GTF3C5: variants seen among roughly 807,000 people sequenced by gnomAD.
GTF3C5 encodes general transcription factor IIIC subunit 5.
Under a neutral mutation model 61.0 loss-of-function variants are expected in GTF3C5, and 47 were observed. The observed-to-expected ratio is 0.77, with a 90% confidence interval of 0.61 to 0.98. GTF3C5 has a LOEUF of 0.98. GTF3C5 is among the 50% of genes least tolerant of loss of function. The pLI is 0.00. For missense variants in GTF3C5, 659 were observed against 703.3 expected, an observed-to-expected ratio of 0.94 and a Z score of 0.71; for synonymous variants, 295 against 275.4, an observed-to-expected ratio of 1.07 and a Z score of -0.71.
intron 1 of GTF3C5, among the ~76,000 whole-genome samples, chr9:133,041,311 C>A (rs943933930): frequency 3.3e-5 from 5 of 152,246 alleles, no homozygotes; most frequent in Admixed American, 1.3e-4. Flanking sequence ...GGGACTGTCT[C>A]CCTGTGATGC....
At chr9:133,039,465 G>A (rs532061462) in intron 1 of GTF3C5, among the ~76,000 whole-genome samples, 2 of 152,210 alleles carry the variant, frequency 1.3e-5, no homozygotes, top group Non-Finnish European at 2.9e-5. Flanking sequence ...GTGCAGTAGA[G>A]CAATTATGGC....
chr9:133,040,455 T>C (rs1215970409), intron 1 of GTF3C5, among the ~76,000 whole-genome samples: 2 of 152,228 alleles, frequency 1.3e-5, no homozygotes, highest in Non-Finnish European at 2.9e-5. Context: ...ACATATTGAA[T>C]GTCTACCATG....
intron 4 of GTF3C5, 123 bp from the exon 5 acceptor site, chr9:133,051,937 G>A (rs558696046): frequency 1.8e-4 from 99 of 564,228 alleles, no homozygotes; most frequent in Middle Eastern, 1.4e-3. Context: ...TGTGTGTCCA[G>A]CCCCTGTCCT....
intron 1 of GTF3C5, among the ~76,000 whole-genome samples, chr9:133,035,553 G>A (rs1351604452): frequency 2.0e-5 from 3 of 152,120 alleles, no homozygotes; most frequent in Non-Finnish European, 4.4e-5. Context: ...TGAGGGGTTT[G>A]GATAACATTT....
At chr9:133,057,049 T>C (rs1241240781) in intron 10 of GTF3C5, 141 bp downstream of exon 10, 9 of 805,946 alleles carry the variant, frequency 1.1e-5, no homozygotes, top group Non-Finnish European at 1.3e-5. Context: ...GAGGAGGACA[T>C]TGTGAGCCAG....
intron 1 of GTF3C5, among the ~76,000 whole-genome samples, chr9:133,041,015 G>C (rs150988929): frequency 1.3e-5 from 2 of 152,244 alleles, no homozygotes; most frequent in Non-Finnish European, 2.9e-5. Flanking sequence ...GAGCTGAGGG[G>C]ACATGGTGAG....
rs1031889202 is a variant in GTF3C5 at position 133,031,234 on chromosome 9, T to A, written c.153+70T>A. The A allele has an allele frequency of 9.3e-6, 13 of 1,395,900 alleles. No homozygotes were observed. In the Admixed American group the frequency reaches 2.5e-4, roughly 27 times the overall value. 86.5% of individuals were successfully genotyped at this position (1,395,900 alleles called of 1,614,324 possible). The stretch of plus-strand genomic sequence containing the variant: ...GCAAAGAAAACGAGCACTCAAAGGA[T>A]TTCTCAGCAAGGGAAATTTAGCAAA... On this transcript the variant is annotated intron_variant, in intron 1 of 10. Transcript: ENST00000372097.
chr9:133,042,089 C>G lies in GTF3C5; in HGVS notation c.156C>G (p.Ile52Met). 1 of 1,612,392 alleles carries G rather than the reference C, an allele frequency of 6.2e-7. No homozygotes were observed. Among genetic ancestry groups the G allele is most frequent in the Non-Finnish European group, 8.5e-7 (1 of 1,179,088 alleles). ...TLGGEEGVSR[I>M]YADPTKRLEL... ...TGTCTCCTTTGGCCTTGCCACAGATCTACGCAGACCCCACCAAGAGGCTGG... is the reference window on the plus strand; with the variant it reads ...TGTCTCCTTTGGCCTTGCCACAGATGTACGCAGACCCCACCAAGAGGCTGG... Residue 52 changes from isoleucine (I) to methionine (M), a missense_variant and splice_region_variant, in exon 2 of 11, where the codon ATC (isoleucine) becomes ATG (methionine). Coordinates refer to ENST00000372097, the MANE Select transcript of GTF3C5 (RefSeq NM_012087.4).
At chr9:133,051,564 C>T (rs1457149140) in intron 4 of GTF3C5, among the ~76,000 whole-genome samples, 1 of 152,240 alleles carries the variant, frequency 6.6e-6, no homozygotes, top group Non-Finnish European at 1.5e-5. Flanking sequence ...CAGGCACAGC[C>T]CACATTCCTG....
chr9:133,035,364 C>G (rs745394784), intron 1 of GTF3C5, among the ~76,000 whole-genome samples: 1 of 152,146 alleles, frequency 6.6e-6, no homozygotes, highest in Non-Finnish European at 1.5e-5. Flanking sequence ...ACTCCTTTCC[C>G]CCAGGGAGTG....
At chr9:133,034,868 G>A (rs1045793880) in intron 1 of GTF3C5, among the ~76,000 whole-genome samples, 1 of 152,192 alleles carries the variant, frequency 6.6e-6, no homozygotes, top group Non-Finnish European at 1.5e-5. Flanking sequence ...CAGCAATGGA[G>A]TGTAGATAAG....
At chr9:133,038,843 G>C (rs1179798893) in intron 1 of GTF3C5, among the ~76,000 whole-genome samples, 1 of 152,104 alleles carries the variant, frequency 6.6e-6, no homozygotes, top group East Asian at 1.9e-4. Flanking sequence ...AGCCCCACAG[G>C]GTGTGTTGCA....
At chr9:133,035,132 A>G (rs978219329) in intron 1 of GTF3C5, among the ~76,000 whole-genome samples, 1 of 152,172 alleles carries the variant, frequency 6.6e-6, no homozygotes, top group African/African-American at 2.4e-5. Context: ...CAGTGAAATG[A>G]GTCCCATTAT....
At position 133,055,432 on chromosome 9, in the gene GTF3C5, A is replaced by G. The variant is rs17150138; in HGVS notation, c.1168-580A>G. The G allele has an allele frequency of 6.0e-3, 7,477 of 1,241,832 alleles. 328 individuals carry two copies. The African/African-American group carries it at 0.099, about 16-fold the overall frequency. The allele number at this position is 1,241,832 out of a possible 1,614,324, so 76.9% of individuals were successfully genotyped here. On this transcript the variant is annotated intron_variant, in intron 8 of 10. Transcript: ENST00000372097. Reference sequence around the variant, plus strand: ...TCCCCCAGTGTCTGGGGCCCTGCCTATTTTCTAGGTTTTTTAGACCTTTGC... The same window carrying G: ...TCCCCCAGTGTCTGGGGCCCTGCCTGTTTTCTAGGTTTTTTAGACCTTTGC...
chr9:133,053,883 A>G lies in GTF3C5; in HGVS notation c.929A>G (p.Asn310Ser). Residue 310 changes from asparagine (N) to serine (S), a missense_variant, in exon 6 of 11, where the codon AAC becomes AGC. By Grantham distance (46) the Asn-to-Ser change is conservative. Coordinates refer to ENST00000372097, the MANE Select transcript of GTF3C5 (RefSeq NM_012087.4). ...CGATTTGGGTATGACCCCCGAAAAA[A>G]CCCAGATGCCAAGATTTATCAAGTC... ...WIRFGYDPRK[N>S]PDAKIYQVLD... The G allele has an allele frequency of 1.9e-6, 3 of 1,613,426 alleles. No homozygotes were observed. The highest frequency in any genetic ancestry group is 2.5e-6 in the Non-Finnish European group (3 of 1,179,524).
chr9:133,055,624 C>T, intron 8 of GTF3C5: 1 of 985,404 alleles, frequency 1.0e-6, no homozygotes, highest in Non-Finnish European at 1.2e-6. Flanking sequence ...GTCAGGGCAG[C>T]CCATAGGGGG....
At chr9:133,042,064 T>C (rs1455745314) in intron 1 of GTF3C5, 23 bp from the exon 2 acceptor site, 1 of 1,570,218 alleles carries the variant, frequency 6.4e-7, no homozygotes, top group African/African-American at 1.4e-5. Context: ...TGCTTCACTC[T>C]GTCTCCTTTG....
chr9:133,047,017 T>C (rs1448584660), intron 3 of GTF3C5, among the ~76,000 whole-genome samples: 1 of 152,112 alleles, frequency 6.6e-6, no homozygotes, highest in African/African-American at 2.4e-5. Context: ...TTGGATTGTC[T>C]AGTAGCCCCC....
At chr9:133,042,407 A>C (rs1850065669) in intron 2 of GTF3C5, 101 bp downstream of exon 2, 3 of 800,694 alleles carry the variant, frequency 3.7e-6, no homozygotes, top group Non-Finnish European at 6.3e-6. Flanking sequence ...GGAGGGGGCC[A>C]GGATATGCCC....
Sources: allele counts gnomAD v4.1 joint callset (sites outside exome capture counted in the v4.1 genomes callset), GRCh38; gene constraint gnomAD v4.1.1; transcripts MANE v1.5; gene names NCBI Gene and HGNC (gene_info 2026-07-23, HGNC 2026-07-21).